The following LAMA2 variants were observed in gnomAD, a reference collection of about 807,000 sequenced individuals.
LAMA2 encodes the protein laminin subunit alpha 2, also known as laminin subunit alpha-2.
LAMA2 carries 269 observed loss-of-function variants against 364.8 expected under a neutral mutation model. The observed-to-expected ratio is 0.74, with a 90% CI of 0.67 to 0.82. LAMA2 has a LOEUF of 0.82. Ranked by LOEUF, LAMA2 falls within the 40% of genes least tolerant of loss-of-function variation. The pLI, the probability that LAMA2 is intolerant of heterozygous loss-of-function variation, is 0.00. For synonymous variants in LAMA2, 1,379 were observed against 1,370.6 expected, an observed-to-expected ratio of 1.01 and a Z score of -0.14; for missense variants, 3,807 against 3,873.2, an observed-to-expected ratio of 0.98 and a Z score of 0.45.
chr6:129,031,118 ATG>A (rs914079637), intron 1 of LAMA2, among the ~76,000 whole-genome samples: 1 of 152,192 alleles, frequency 6.6e-6, no homozygotes, highest in African/African-American at 2.4e-5. Context: ...CTGCATATTT[ATG>A]TGTGTGTTCA....
chr6:129,198,229 TTATTATTAAA>T (rs71935690), intron 12 of LAMA2, among the ~76,000 whole-genome samples: 10,008 of 151,346 alleles, frequency 0.066, 482 homozygotes, highest in African/African-American at 0.13. Flanking sequence ...TCACCTAATA[TTATTATTAAA>T]TATTATTAAA....
chr6:128,895,565 G>A (rs1776723934), intron 1 of LAMA2, among the ~76,000 whole-genome samples: 1 of 151,848 alleles, frequency 6.6e-6, no homozygotes, highest in African/African-American at 2.4e-5. Context: ...GGAGAATGGC[G>A]TGAATCCGGG....
At chr6:129,200,294 A>G (rs574453918) in intron 12 of LAMA2, among the ~76,000 whole-genome samples, 1 of 149,626 alleles carries the variant, frequency 6.7e-6, no homozygotes, top group African/African-American at 2.5e-5. Flanking sequence ...ACGTGTACAC[A>G]TATACATGTG....
chr6:129,349,248 T>C lies in LAMA2; in HGVS notation c.4437-50T>C, dbSNP rs771245033. On this transcript the variant is annotated intron_variant, in intron 30 of 64. Transcript: ENST00000421865. ...GATCATGGATAGGAATACTATTTTA[T>C]AAAATAAATGGATTAAACTTTTTTT... 8 of 1,420,072 alleles carry C rather than the reference T, an allele frequency of 5.6e-6. No individual in the cohort carries two copies. In the South Asian group the frequency reaches 9.2e-5, roughly 16 times the overall value. 88.0% of individuals were successfully genotyped at this position (1,420,072 alleles called of 1,614,324 possible).
intron 29 of LAMA2, among the ~76,000 whole-genome samples, chr6:129,334,588 T>A (rs1356594478): frequency 6.6e-6 from 1 of 152,204 alleles, no homozygotes; most frequent in Admixed American, 6.5e-5. Context: ...TCTAGCGCTA[T>A]GCTAGATTTT....
intron 3 of LAMA2, among the ~76,000 whole-genome samples, chr6:129,060,401 A>G (rs1174482381): frequency 1.3e-5 from 2 of 152,206 alleles, no homozygotes; most frequent in Non-Finnish European, 2.9e-5. Context: ...GTAGTTATAC[A>G]AAATTGATGC....
At chr6:129,402,556 T>A in intron 39 of LAMA2, 69 bp downstream of exon 39, 1 of 1,419,856 alleles carries the variant, frequency 7.0e-7, no homozygotes, top group Non-Finnish European at 9.9e-7. Context: ...CTAGCATAAA[T>A]AGTAGAGAAT....
At chr6:129,042,306 A>G (rs1253373802) in intron 1 of LAMA2, among the ~76,000 whole-genome samples, 2 of 152,146 alleles carry the variant, frequency 1.3e-5, no homozygotes, top group Admixed American at 6.5e-5. Flanking sequence ...CTCCATGTCA[A>G]TAATAGTAAT....
At chr6:129,505,142 C>T in intron 60 of LAMA2, 58 bp from the exon 61 acceptor site, 2 of 1,451,310 alleles carry the variant, frequency 1.4e-6, no homozygotes. Context: ...ATGTCTTATA[C>T]TCTGCATATG....
intron 30 of LAMA2, among the ~76,000 whole-genome samples, chr6:129,342,765 T>A (rs1776340520): frequency 6.6e-6 from 1 of 152,154 alleles, no homozygotes; most frequent in Admixed American, 6.5e-5. Context: ...CATGGTTTCA[T>A]AAATATACCA....
At chr6:129,090,140 T>G (rs1774727645) in intron 3 of LAMA2, among the ~76,000 whole-genome samples, 1 of 152,294 alleles carries the variant, frequency 6.6e-6, no homozygotes, top group Admixed American at 6.5e-5. Flanking sequence ...TTTTTTATTC[T>G]GATATAAAAA....
chr6:129,161,960 A>T (rs1049723746), intron 8 of LAMA2, among the ~76,000 whole-genome samples: 1 of 152,196 alleles, frequency 6.6e-6, no homozygotes, highest in Non-Finnish European at 1.5e-5. Flanking sequence ...TGCAATGAAC[A>T]TAGGCATGCA....
At chr6:129,193,946 G>A (rs1781687750) in intron 12 of LAMA2, among the ~76,000 whole-genome samples, 1 of 151,978 alleles carries the variant, frequency 6.6e-6, no homozygotes, top group South Asian at 2.1e-4. Context: ...AACTCTGAAT[G>A]CTATTACAAA....
intron 33 of LAMA2, 58 bp downstream of exon 33, chr6:129,366,419 C>T (rs1346910987): frequency 3.8e-6 from 6 of 1,586,050 alleles, no homozygotes; most frequent in East Asian, 4.5e-5. Flanking sequence ...GCTTCACAAG[C>T]GGTATTGGCT....
intron 58 of LAMA2, among the ~76,000 whole-genome samples, chr6:129,498,826 T>C: frequency 6.6e-6 from 1 of 152,208 alleles, no homozygotes; most frequent in East Asian, 1.9e-4. Flanking sequence ...CAACGAATCA[T>C]ACGCACTCCT....
At chr6:129,456,738 C>A (rs953465689) in intron 48 of LAMA2, among the ~76,000 whole-genome samples, 1 of 152,196 alleles carries the variant, frequency 6.6e-6, no homozygotes. Context: ...TTATCTGTGG[C>A]ATCAGTTTTT....
At chr6:129,434,201 C>T (rs1033717875) in intron 41 of LAMA2, among the ~76,000 whole-genome samples, 19 of 152,120 alleles carry the variant, frequency 1.2e-4, no homozygotes, top group African/African-American at 3.6e-4. Context: ...CTCTGCCCTG[C>T]GATTTTTATT....
chr6:128,894,929 C>T (rs1402662225), intron 1 of LAMA2, among the ~76,000 whole-genome samples: 3 of 152,116 alleles, frequency 2.0e-5, no homozygotes, highest in African/African-American at 7.2e-5. Context: ...ACTTGTGTAC[C>T]TATGGATAAT....
intron 24 of LAMA2, 39 bp from the exon 25 acceptor site, chr6:129,315,437 C>A: frequency 2.5e-6 from 4 of 1,575,754 alleles, no homozygotes; most frequent in South Asian, 1.1e-5. Flanking sequence ...ATGTCCAAAG[C>A]GTAAATTCAG....
Sources: allele counts gnomAD v4.1 joint callset (sites outside exome capture counted in the v4.1 genomes callset), GRCh38; gene constraint gnomAD v4.1.1; transcripts MANE v1.5; gene names NCBI Gene and HGNC (gene_info 2026-07-23, HGNC 2026-07-21).